SEC13: variants seen among roughly 807,000 people sequenced by gnomAD.
SEC13 encodes SEC13 homolog, nuclear pore and COPII component.
A neutral mutation model predicts 49.2 loss-of-function variants in SEC13; 25 were observed. The observed-to-expected ratio is 0.51, with a 90% CI of 0.37 to 0.71. The LOEUF (loss-of-function observed/expected upper bound fraction) is 0.71, where lower values mean the gene tolerates loss of function less well. Ranked by LOEUF, SEC13 falls within the 30% of genes least tolerant of loss-of-function variation. The pLI is 0.00. For synonymous variants in SEC13, 148 were observed against 163.9 expected, an observed-to-expected ratio of 0.90 and a Z score of 0.74; for missense variants, 383 against 417.6, an observed-to-expected ratio of 0.92 and a Z score of 0.72.
At chr3:10,320,536 C>G (rs2059757887) in intron 1 of SEC13, 1 of 985,820 alleles carries the variant, frequency 1.0e-6, no homozygotes, top group African/African-American at 1.7e-5. Context: ...AGCAACAGTT[C>G]AATCATCTCT....
Position 10,320,807 on chromosome 3 carries a change from G to A in SEC13, c.3+243C>T, listed in dbSNP as rs2059763671. The stretch of plus-strand genomic sequence containing the variant: ...CAATTGTTGACCGAAAAGAAGGAAG[G>A]GAGACTGGCAGGAGACGCAGGAGCG... On this transcript the variant is annotated intron_variant, in intron 1 of 8. Coordinates refer to ENST00000350697, the MANE Select transcript of SEC13 (RefSeq NM_183352.3). 3.8e-6 allele frequency: 5 copies of A among 1,331,450 alleles called. No homozygotes were observed. In the East Asian group the frequency reaches 1.5e-4, roughly 40 times the overall value. 82.5% of individuals were successfully genotyped at this position (1,331,450 alleles called of 1,614,324 possible). A position where few individuals can be genotyped will look rare whatever the true frequency, so the allele number is the denominator to read the frequency against.
chr3:10,309,909 T>C (rs1701144626), intron 5 of SEC13, among the ~76,000 whole-genome samples: 1 of 152,220 alleles, frequency 6.6e-6, no homozygotes, highest in Non-Finnish European at 1.5e-5. Flanking sequence ...GTTCCTGTCT[T>C]TGTTCCTCTT....
intron 1 of SEC13, chr3:10,319,307 TC>T (rs751958147): frequency 4.4e-6 from 7 of 1,587,590 alleles, no homozygotes; most frequent in Admixed American, 1.9e-5. Flanking sequence ...AAAAACCAGG[TC>T]CCCGAAGTCT....
chr3:10,319,795 AAGGCGGG>A (rs2059734460), intron 1 of SEC13, among the ~76,000 whole-genome samples: 2 of 2,346 alleles, frequency 8.5e-4, no homozygotes, highest in South Asian at 0.028. Flanking sequence ...AGAGAGAGAG[AAGGCGGG>A]GGGGGGGGGG....
At chr3:10,302,426 C>G (rs566340497) in intron 8 of SEC13, among the ~76,000 whole-genome samples, 1 of 152,108 alleles carries the variant, frequency 6.6e-6, no homozygotes, top group African/African-American at 2.4e-5. Context: ...ATGGAGACAG[C>G]GAAAGGAAAC....
chr3:10,317,910 G>A (rs994096918), intron 2 of SEC13, 140 bp downstream of exon 2: 12 of 603,334 alleles, frequency 2.0e-5, no homozygotes, highest in Admixed American at 8.4e-5. Context: ...CGAGATTACA[G>A]GCTGATAGGC....
intron 2 of SEC13, among the ~76,000 whole-genome samples, chr3:10,317,716 G>T (rs952891449): frequency 6.6e-6 from 1 of 152,082 alleles, no homozygotes; most frequent in Non-Finnish European, 1.5e-5. Flanking sequence ...AGGAAGACAG[G>T]TGGGAAGACT....
In SEC13 at chr3:10,313,581, G is replaced by A. The variant is rs142372135; in HGVS notation, c.165-851C>T. On this transcript the variant is annotated intron_variant, in intron 3 of 8. Coordinates refer to ENST00000350697, the MANE Select transcript of SEC13 (RefSeq NM_183352.3). ...TTCACCGTGGGCTGCACACACTCAA[G>A]TCTCCTCCTCCCTCTGGCTGGGACA... 2.0e-4 allele frequency: 58 copies of A among 288,310 alleles called. No individual in the cohort carries two copies. The East Asian group carries it at 3.9e-3, about 19-fold the overall frequency. The allele number at this position is 288,310 out of a possible 1,614,324, so 17.9% of individuals were successfully genotyped here.
chr3:10,301,527 A>AGAGT (rs927932147), intron 8 of SEC13, among the ~76,000 whole-genome samples, 153 bp from the exon 9 acceptor site: 5 of 152,218 alleles, frequency 3.3e-5, no homozygotes, highest in African/African-American at 9.6e-5. Flanking sequence ...CACCAAAATG[A>AGAGT]GAGTCCAGGA....
intron 3 of SEC13, chr3:10,313,810 C>T (rs1467467496): frequency 6.1e-6 from 1 of 164,694 alleles, no homozygotes; most frequent in Non-Finnish European, 1.3e-5. Context: ...TTGGCCAACA[C>T]GCTGCACTGC....
chr3:10,312,213 C>T, intron 4 of SEC13, 115 bp from the exon 5 acceptor site: 1 of 1,442,822 alleles, frequency 6.9e-7, no homozygotes, highest in African/African-American at 1.4e-5. Flanking sequence ...GTAGGAGTCA[C>T]CGGGGGAAGC....
intron 2 of SEC13, among the ~76,000 whole-genome samples, chr3:10,317,753 C>G (rs78094030): frequency 0.022 from 3,412 of 152,264 alleles, 57 homozygotes; most frequent in Non-Finnish European, 0.031. Context: ...ACCCACTCAG[C>G]CTTCATCCGA....
At chr3:10,317,916 T>C (rs1701705454) in intron 2 of SEC13, 134 bp downstream of exon 2, 2 of 608,614 alleles carry the variant, frequency 3.3e-6, no homozygotes, top group East Asian at 5.8e-5. Context: ...TACAGGCTGA[T>C]AGGCAACCAC....
At chr3:10,306,277 C>T (rs1233656617) in intron 5 of SEC13, among the ~76,000 whole-genome samples, 1 of 152,140 alleles carries the variant, frequency 6.6e-6, no homozygotes, top group Non-Finnish European at 1.5e-5. Flanking sequence ...AGAGCCTAGT[C>T]TCTCGGTCTG....
rs571627827 is a variant in SEC13, at chr3:10,308,207, G to A, written c.451-2515C>T. Among the ~76,000 whole-genome samples the A allele has an allele frequency of 5.6e-3, 852 of 152,198 alleles. 5 individuals carry two copies. The highest frequency in any genetic ancestry group is 7.7e-3 in the Non-Finnish European group (525 of 68,022). The stretch of plus-strand genomic sequence containing the variant: ...AGGAACATGCCCATCATTCCCAAAA[G>A]TTTCCTCGGATCCCCTGGTAATCCA... On this transcript the variant is annotated intron_variant, in intron 5 of 8. Transcript: ENST00000350697.
intron 1 of SEC13, among the ~76,000 whole-genome samples, chr3:10,319,964 G>A (rs1357357977): frequency 2.2e-5 from 2 of 91,290 alleles, no homozygotes; most frequent in Non-Finnish European, 4.4e-5. Context: ...GAGAGGGAGA[G>A]GAAGGGGGGA....
chr3:10,312,191 CAACA>C (rs1701314329), intron 4 of SEC13, 93 bp from the exon 5 acceptor site: 1 of 1,477,370 alleles, frequency 6.8e-7, no homozygotes, highest in Non-Finnish European at 9.0e-7. Flanking sequence ...TAAATGTCTA[CAACA>C]AACAACTGTA....
chr3:10,308,718 A>AC (rs138994492), intron 5 of SEC13, among the ~76,000 whole-genome samples: 2 of 149,400 alleles, frequency 1.3e-5, no homozygotes, highest in African/African-American at 2.5e-5. Flanking sequence ...TTTCTCTAGA[A>AC]CCCCCCAAAA....
rs764333558 is a variant in SEC13, at chr3:10,305,575, G to A, written c.568C>T (p.Leu190Phe). The A allele has an allele frequency of 6.9e-5, 112 of 1,613,878 alleles. No homozygotes were observed. The highest frequency in any genetic ancestry group is 9.5e-5 in the Non-Finnish European group (112 of 1,180,038). ...KRFASGGCDN[L>F]IKLWKEEEDG... ...CCTACTTACTTCCACAGCTTGATGA[G>A]GTTGTCACAGCCACCTGATGCAAAC... Residue 190 changes from leucine to phenylalanine, a missense_variant, in exon 6 of 9, where the codon CTC becomes TTC. Coordinates refer to ENST00000350697, the MANE Select transcript of SEC13 (RefSeq NM_183352.3).
Sources: gnomAD v4.1 joint callset for allele counts (sites outside exome capture counted in the v4.1 genomes callset) on GRCh38, gnomAD v4.1.1 for gene constraint, MANE v1.5 for transcripts, NCBI Gene and HGNC (gene_info 2026-07-23, HGNC 2026-07-21) for gene names.